CSMD1: variants seen among roughly 807,000 people sequenced by gnomAD.
CSMD1 encodes CUB and Sushi multiple domains 1.
In CSMD1, 213 loss-of-function variants were observed where a neutral mutation model predicts 417.5. That is an observed-to-expected ratio of 0.51 (90% CI 0.46 to 0.57). CSMD1 has a LOEUF of 0.57. Ranked by LOEUF, CSMD1 falls within the 20% of genes least tolerant of loss-of-function variation. The pLI, the probability that CSMD1 is intolerant of heterozygous loss-of-function variation, is 0.00. For missense variants in CSMD1, 6,923 were observed against 4,529.7 expected, an observed-to-expected ratio of 1.53 and a Z score of -15.17; for synonymous variants, 2,862 against 1,736.8, an observed-to-expected ratio of 1.65 and a Z score of -16.11.
chr8:4,540,198 G>T lies in CSMD1; in HGVS notation c.302+97144C>A, dbSNP rs146168522. On this transcript the variant is annotated intron_variant, in intron 2 of 69. Coordinates refer to ENST00000635120, the MANE Select transcript of CSMD1 (RefSeq NM_033225.6). ...GGAATGAAGTTTGACAGGAGGGGCT[G>T]GGATTTGCTTTAAACTGCTGCTGGT... Among the ~76,000 whole-genome samples the T allele has an allele frequency of 2.3e-3, 347 of 152,280 alleles. 2 individuals carry two copies. The highest frequency in any genetic ancestry group is 8.1e-3 in the African/African-American group (337 of 41,558).
At chr8:3,675,890 T>C (rs192410048) in intron 7 of CSMD1, among the ~76,000 whole-genome samples, 6 of 152,330 alleles carry the variant, frequency 3.9e-5, no homozygotes, top group African/African-American at 1.4e-4. Context: ...TGATTCTGTC[T>C]TGCTGAAGTT....
intron 1 of CSMD1, among the ~76,000 whole-genome samples, chr8:4,779,418 C>T (rs1054228820): frequency 6.6e-6 from 1 of 152,058 alleles, no homozygotes; most frequent in African/African-American, 2.4e-5. Flanking sequence ...GCAACATTAC[C>T]CCTGTGAAAG....
At chr8:4,500,337 A>G (rs1802197438) in intron 2 of CSMD1, among the ~76,000 whole-genome samples, 2 of 152,218 alleles carry the variant, frequency 1.3e-5, no homozygotes, top group South Asian at 4.1e-4. Flanking sequence ...ACCACACAGT[A>G]GAATCACTAA....
intron 3 of CSMD1, among the ~76,000 whole-genome samples, chr8:4,076,030 T>C (rs934218693): frequency 3.9e-5 from 6 of 152,178 alleles, no homozygotes; most frequent in African/African-American, 7.2e-5. Context: ...CCTATAAATA[T>C]TATGGAAAGA....
intron 10 of CSMD1, among the ~76,000 whole-genome samples, chr8:3,548,137 A>G (rs10095029): frequency 0.052 from 7,975 of 152,060 alleles, 611 homozygotes; most frequent in African/African-American, 0.17. Context: ...TTGCTGTATG[A>G]CTCTATCGGT....
chr8:3,565,565 G>A (rs1047463355), intron 10 of CSMD1, among the ~76,000 whole-genome samples: 6 of 152,092 alleles, frequency 3.9e-5, no homozygotes, highest in Admixed American at 3.9e-4. Flanking sequence ...TACTTCAAAT[G>A]CAAGTGAATG....
rs141286951 is a variant in CSMD1 at position 3,855,227 on chromosome 8, T to A, written c.819-101185A>T. Among the ~76,000 whole-genome samples the A allele has an allele frequency of 3.7e-3, 557 of 152,306 alleles. 3 individuals are homozygous for A. Among genetic ancestry groups the A allele is most frequent in the African/African-American group, 7.3e-3 (303 of 41,572 alleles). ...TAATGGACAAGGCTGCGACAGCTAT[T>A]TTGTAAAAGAAGAAATAACCATAGA... is the stretch of plus-strand genomic sequence containing the variant. On this transcript the variant is annotated intron_variant, in intron 5 of 69. Coordinates refer to ENST00000635120, the MANE Select transcript of CSMD1 (RefSeq NM_033225.6).
chr8:3,385,139 CATA>C (rs1810926201), intron 18 of CSMD1, among the ~76,000 whole-genome samples: 2 of 125,498 alleles, frequency 1.6e-5, no homozygotes, highest in Admixed American at 1.9e-4. Context: ...ATATATAATA[CATA>C]ATATATAAAT....
intron 5 of CSMD1, among the ~76,000 whole-genome samples, chr8:3,968,554 G>C (rs904072063): frequency 3.9e-5 from 6 of 152,126 alleles, no homozygotes; most frequent in African/African-American, 7.2e-5. Context: ...TTTTCAGAAG[G>C]TTTGAACAAT....
At chr8:4,875,171 G>A (rs950396828) in intron 1 of CSMD1, among the ~76,000 whole-genome samples, 2 of 151,878 alleles carry the variant, frequency 1.3e-5, no homozygotes, top group African/African-American at 4.8e-5. Context: ...AATCTTGAAA[G>A]ATTCGTGTCT....
At chr8:4,983,724 G>A (rs1024131365) in intron 1 of CSMD1, among the ~76,000 whole-genome samples, 8 of 151,698 alleles carry the variant, frequency 5.3e-5, no homozygotes, top group Non-Finnish European at 8.8e-5. Flanking sequence ...AGACGGGGAA[G>A]AACAACATTT....
At chr8:3,246,228 C>T (rs772136793) in intron 26 of CSMD1, among the ~76,000 whole-genome samples, 1 of 152,146 alleles carries the variant, frequency 6.6e-6, no homozygotes, top group African/African-American at 2.4e-5. Context: ...CACACATCCA[C>T]TGTGCCTCAC....
At chr8:4,407,895 A>C (rs1234591747) in intron 3 of CSMD1, among the ~76,000 whole-genome samples, 1 of 152,156 alleles carries the variant, frequency 6.6e-6, no homozygotes, top group Non-Finnish European at 1.5e-5. Flanking sequence ...GTTAAGATGG[A>C]TAACACATCC....
rs190980676 is a variant in CSMD1 at position 4,544,055 on chromosome 8, A to G, written c.302+93287T>C. On this transcript the variant is annotated intron_variant, in intron 2 of 69. Transcript: ENST00000635120. ...TTATCAGAAATCCGTTTTTGCAATT[A>G]CTTTTCCCAGTCTGTGGCTTGCCTT... is the stretch of plus-strand genomic sequence containing the variant. 1.1e-3 allele frequency among the ~76,000 whole-genome samples: 170 copies of G among 152,244 alleles called. 1 individual carries two copies. The highest frequency in any genetic ancestry group is 4.0e-3 in the African/African-American group (165 of 41,558).
rs184948434 is a variant in CSMD1, at chr8:3,445,020, G to C, written c.1561+23692C>G. ...TCCAAGCCTCTTTATCCAGTGCCAA[G>C]TCACAGAAACTTTCTTAAACACTCT... On this transcript the variant is annotated intron_variant, in intron 12 of 69. Transcript: ENST00000635120. Among the ~76,000 whole-genome samples the C allele has an allele frequency of 7.9e-5, 12 of 152,254 alleles. No homozygotes were observed. In the East Asian group the frequency reaches 2.1e-3, roughly 27 times the overall value.
chr8:4,228,832 C>A (rs956567481), intron 3 of CSMD1, among the ~76,000 whole-genome samples: 2 of 152,122 alleles, frequency 1.3e-5, no homozygotes, highest in African/African-American at 2.4e-5. Context: ...TTCATGTGCA[C>A]CACTGTGCCC....
rs1800642939 is a variant in CSMD1, at chr8:4,090,200, T to TG, written c.416-58102dup. On this transcript the variant is annotated intron_variant, in intron 3 of 69. Coordinates refer to ENST00000635120, the MANE Select transcript of CSMD1 (RefSeq NM_033225.6). ...AACCTCCACTTTTGACTACAGTACA[T>TG]GATTGTCTTAAAAAGTATTTTTGGC... Among the ~76,000 whole-genome samples the TG allele has an allele frequency of 2.0e-5, 3 of 152,328 alleles. No homozygotes were observed. In the South Asian group the frequency reaches 6.2e-4, roughly 32 times the overall value.
At chr8:4,244,006 G>A (rs1802550698) in intron 3 of CSMD1, among the ~76,000 whole-genome samples, 1 of 152,204 alleles carries the variant, frequency 6.6e-6, no homozygotes, top group African/African-American at 2.4e-5. Flanking sequence ...CTGCCATGGA[G>A]TGGGAAGCTG....
At chr8:3,345,503 G>C (rs1050117816) in intron 22 of CSMD1, among the ~76,000 whole-genome samples, 14 of 152,136 alleles carry the variant, frequency 9.2e-5, no homozygotes, top group Admixed American at 2.0e-4. Context: ...TAAAAACCCA[G>C]ATAGGAGTGG....
Sources: gnomAD v4.1 joint callset for allele counts (sites outside exome capture counted in the v4.1 genomes callset) on GRCh38, gnomAD v4.1.1 for gene constraint, MANE v1.5 for transcripts, NCBI Gene and HGNC (gene_info 2026-07-23, HGNC 2026-07-21) for gene names.